The following LRRTM4 variants were observed in gnomAD, a reference collection of about 807,000 sequenced individuals.
LRRTM4 encodes the protein leucine-rich repeat transmembrane neuronal protein 4.
Under a neutral mutation model 47.6 loss-of-function variants are expected in LRRTM4, and 25 were observed. That is an observed-to-expected ratio of 0.53 (90% CI 0.38 to 0.73). LRRTM4 has a LOEUF of 0.73. Ranked by LOEUF, LRRTM4 falls within the 30% of genes least tolerant of loss-of-function variation. LRRTM4 has a pLI of 0.00. For synonymous variants in LRRTM4, 311 were observed against 269.5 expected, an observed-to-expected ratio of 1.15 and a Z score of -1.51; for missense variants, 638 against 713.4, an observed-to-expected ratio of 0.89 and a Z score of 1.20.
rs1441372464 is a variant in LRRTM4, at chr2:76,790,614, T to C, written c.1552-41698A>G. 1.3e-5 allele frequency among the ~76,000 whole-genome samples: 2 copies of C among 152,142 alleles called. 1 individual carries two copies. The highest frequency in any genetic ancestry group is 2.9e-5 in the Non-Finnish European group (2 of 68,030). On this transcript the variant is annotated intron_variant, in intron 3 of 3. Coordinates refer to ENST00000409884, the MANE Select transcript of LRRTM4 (RefSeq NM_001134745.3). The stretch of plus-strand genomic sequence containing the variant: ...TGATAAGCATTAGCTATTAATAAAA[T>C]AATTCCCATTGCTATTTCTCGTGGA...
chr2:77,046,566 T>C (rs1679243366), intron 3 of LRRTM4, among the ~76,000 whole-genome samples: 1 of 151,888 alleles, frequency 6.6e-6, no homozygotes, highest in Non-Finnish European at 1.5e-5. Context: ...GTATATACCA[T>C]TCAGCAGGGA....
chr2:77,288,775 T>C (rs1558670010), intron 3 of LRRTM4, among the ~76,000 whole-genome samples: 1 of 152,090 alleles, frequency 6.6e-6, no homozygotes, highest in Non-Finnish European at 1.5e-5. Flanking sequence ...TCATCCTGTG[T>C]ATCCTGTTTC....
intron 3 of LRRTM4, among the ~76,000 whole-genome samples, chr2:77,438,096 A>C (rs1675675255): frequency 6.6e-6 from 1 of 152,184 alleles, no homozygotes; most frequent in African/African-American, 2.4e-5. Context: ...CAGAGTCTAT[A>C]AAATGTTATT....
chr2:77,314,495 C>G (rs1013686744), intron 3 of LRRTM4, among the ~76,000 whole-genome samples: 3 of 152,042 alleles, frequency 2.0e-5, no homozygotes, highest in African/African-American at 7.2e-5. Flanking sequence ...TCATATTTAC[C>G]GCTTTTCAAT....
At chr2:77,415,168 T>G (rs1302649635) in intron 3 of LRRTM4, among the ~76,000 whole-genome samples, 1 of 152,198 alleles carries the variant, frequency 6.6e-6, no homozygotes, top group Non-Finnish European at 1.5e-5. Context: ...ATCCAAATAT[T>G]TTGTATACAT....
intron 3 of LRRTM4, among the ~76,000 whole-genome samples, chr2:77,315,431 G>T: frequency 6.6e-6 from 1 of 152,188 alleles, no homozygotes; most frequent in East Asian, 1.9e-4. Flanking sequence ...TTTTGTCACT[G>T]AAGGTTTTAT....
rs1462233697 is a variant in LRRTM4 at position 77,518,820 on chromosome 2, A to G, written c.1049T>C (p.Val350Ala). 4 of 1,611,002 alleles carry G rather than the reference A, an allele frequency of 2.5e-6. No homozygotes were observed. The change falls in exon 3 of 4, where the codon GTT becomes GCT. Residue 350 changes from valine to alanine, a missense_variant. Val to Ala is a moderately conservative substitution (Grantham distance 64). Transcript: ENST00000409884. Reference protein sequence around the residue: ...AGPKHIQGEKVSDAVETYNIC... With the variant: ...AGPKHIQGEKASDAVETYNIC... ...ATTATATGTTTCCACTGCATCACTA[A>G]CCTTTTCACCCTGGATGTGCTTAGG...
At chr2:77,413,418 C>A (rs1026866478) in intron 3 of LRRTM4, among the ~76,000 whole-genome samples, 1 of 152,136 alleles carries the variant, frequency 6.6e-6, no homozygotes, top group Non-Finnish European at 1.5e-5. Context: ...ACTCATCCTA[C>A]GCATTCCAAA....
At chr2:77,281,451 C>G (rs1676503797) in intron 3 of LRRTM4, among the ~76,000 whole-genome samples, 1 of 151,896 alleles carries the variant, frequency 6.6e-6, no homozygotes, top group East Asian at 1.9e-4. Flanking sequence ...CTCCAAACTT[C>G]TGAAGAACAA....
chr2:77,407,309 C>T (rs954859336), intron 3 of LRRTM4, among the ~76,000 whole-genome samples: 2 of 151,710 alleles, frequency 1.3e-5, no homozygotes, highest in Admixed American at 6.6e-5. Context: ...ATATTATTTT[C>T]AGAATGTGCC....
chr2:77,299,707 G>A (rs1677076529), intron 3 of LRRTM4, among the ~76,000 whole-genome samples: 1 of 152,058 alleles, frequency 6.6e-6, no homozygotes, highest in African/African-American at 2.4e-5. Context: ...TAAGAAGAGG[G>A]CAAGAAATCT....
At chr2:76,981,168 T>C (rs184985822) in intron 3 of LRRTM4, among the ~76,000 whole-genome samples, 6 of 152,270 alleles carry the variant, frequency 3.9e-5, no homozygotes, top group Admixed American at 3.3e-4. Flanking sequence ...TCATTCGTTA[T>C]TCAATATTCA....
At chr2:77,009,157 C>T (rs1031348431) in intron 3 of LRRTM4, 3 of 152,092 alleles carry the variant, frequency 2.0e-5, no homozygotes, top group Non-Finnish European at 4.4e-5. Flanking sequence ...ATGTTTTCAA[C>T]ACAAATGGAA....
At chr2:76,916,154 A>G (rs2103794227) in intron 3 of LRRTM4, among the ~76,000 whole-genome samples, 1 of 152,228 alleles carries the variant, frequency 6.6e-6, no homozygotes, top group Non-Finnish European at 1.5e-5. Context: ...GAAAAAACTA[A>G]GAGAGAGATT....
At chr2:76,793,389 C>T (rs538500487) in intron 3 of LRRTM4, among the ~76,000 whole-genome samples, 5 of 152,134 alleles carry the variant, frequency 3.3e-5, no homozygotes, top group Admixed American at 6.6e-5. Flanking sequence ...AATATTCACT[C>T]TTTGGCCAAT....
chr2:77,117,264 G>A (rs1278154938), intron 3 of LRRTM4, among the ~76,000 whole-genome samples: 1 of 151,734 alleles, frequency 6.6e-6, no homozygotes, highest in Non-Finnish European at 1.5e-5. Context: ...TTAACAAAAA[G>A]GAAAATAGAA....
intron 3 of LRRTM4, among the ~76,000 whole-genome samples, chr2:77,325,516 G>A (rs974170028): frequency 1.4e-4 from 21 of 152,236 alleles, no homozygotes; most frequent in Middle Eastern, 3.4e-3. Context: ...TAAAGGCAGC[G>A]TGGGAATGGG....
At chr2:77,467,132 T>G (rs957402497) in intron 3 of LRRTM4, among the ~76,000 whole-genome samples, 1 of 152,168 alleles carries the variant, frequency 6.6e-6, no homozygotes, top group East Asian at 1.9e-4. Context: ...GTTGTAATCA[T>G]TTTGATTATT....
intron 3 of LRRTM4, among the ~76,000 whole-genome samples, chr2:77,330,878 C>T (rs746332916): frequency 2.6e-5 from 4 of 152,098 alleles, no homozygotes; most frequent in Non-Finnish European, 5.9e-5. Flanking sequence ...TTTCATAATG[C>T]TTCTTAAGTT....
Sources: allele counts gnomAD v4.1 joint callset (sites outside exome capture counted in the v4.1 genomes callset), GRCh38; gene constraint gnomAD v4.1.1; transcripts MANE v1.5; gene names NCBI Gene and HGNC (gene_info 2026-07-23, HGNC 2026-07-21).